Variants in PDZRN4 observed in about 807,000 individuals in gnomAD.
The protein encoded by PDZRN4 is PDZ domain-containing RING finger protein 4.
In PDZRN4, 70 loss-of-function variants were observed where a neutral mutation model predicts 99.0. The observed-to-expected ratio is 0.71, with a 90% CI of 0.58 to 0.86. The LOEUF (loss-of-function observed/expected upper bound fraction) is 0.86, where lower values mean the gene tolerates loss of function less well. PDZRN4 is among the 40% of genes least tolerant of loss of function. The pLI is 0.00. For missense variants in PDZRN4, 1,474 were observed against 1,331.2 expected, an observed-to-expected ratio of 1.11 and a Z score of -1.67; for synonymous variants, 551 against 501.6, an observed-to-expected ratio of 1.10 and a Z score of -1.32.
chr12:41,482,054 A>G (rs528460890), intron 3 of PDZRN4, among the ~76,000 whole-genome samples: 2 of 152,286 alleles, frequency 1.3e-5, no homozygotes, highest in Admixed American at 1.3e-4. Flanking sequence ...CATTTTGATC[A>G]TATCAAAACA....
At position 41,572,515 on chromosome 12, in the gene PDZRN4, G is replaced by C. The variant is rs750685350; in HGVS notation, c.1736G>C (p.Ser579Thr). ...EQENAAEDPN[S>T]TSLKSKRDLG... Reference sequence around the variant, plus strand: ...GAGAATGCAGCCGAGGACCCCAATAGCACATCTTTGAAGAGCAAGAGAGAC... The same window carrying C: ...GAGAATGCAGCCGAGGACCCCAATACCACATCTTTGAAGAGCAAGAGAGAC... The change falls in exon 10 of 10, where the codon AGC (serine) becomes ACC (threonine). Residue 579 changes from serine (S) to threonine (T), a missense_variant. Physicochemically the swap from Ser to Thr is moderately conservative, Grantham distance 58. Transcript: ENST00000402685. 6.2e-7 allele frequency: 1 copy of C among 1,614,094 alleles called. No homozygotes were observed. The highest frequency in any genetic ancestry group is 1.7e-5 in the Admixed American group (1 of 60,022).
chr12:41,573,789 T>C lies in PDZRN4; in HGVS notation c.3010T>C (p.Leu1004=), dbSNP rs767422932. The change falls in exon 10 of 10, where the codon TTG becomes CTG. Residue 1004 remains leucine (L), a synonymous_variant. Transcript: ENST00000402685. ...KMMKKRNKKI[L]DNWMTIQELM... The stretch of plus-strand genomic sequence containing the variant: ...GATGAAAAAGAGAAACAAGAAAATT[T>C]TGGACAACTGGATGACAATCCAAGA... 1.2e-6 allele frequency: 2 copies of C among 1,613,702 alleles called. No homozygotes were observed. Among genetic ancestry groups the C allele is most frequent in the East Asian group, 2.2e-5 (1 of 44,838 alleles).
At chr12:41,491,798 A>C (rs1937891714) in intron 3 of PDZRN4, among the ~76,000 whole-genome samples, 1 of 152,216 alleles carries the variant, frequency 6.6e-6, no homozygotes, top group South Asian at 2.1e-4. Context: ...GTATTAAATA[A>C]GAGCTACTTC....
chr12:41,387,601 C>G (rs560801427), intron 3 of PDZRN4, among the ~76,000 whole-genome samples: 58 of 151,904 alleles, frequency 3.8e-4, no homozygotes, highest in East Asian at 1.2e-3. Flanking sequence ...ACAACAACAA[C>G]AAAAAAATGG....
intron 5 of PDZRN4, among the ~76,000 whole-genome samples, chr12:41,549,030 G>A (rs1457815912): frequency 9.2e-5 from 14 of 152,096 alleles, no homozygotes; most frequent in African/African-American, 3.1e-4. Context: ...GTACATTTAA[G>A]TCAAAATAAA....
At chr12:41,211,839 C>A (rs1950890573) in intron 3 of PDZRN4, among the ~76,000 whole-genome samples, 1 of 151,824 alleles carries the variant, frequency 6.6e-6, no homozygotes, top group African/African-American at 2.4e-5. Flanking sequence ...ACCAGAAACC[C>A]ATCACGAGGC....
At chr12:41,194,645 T>C (rs935966569) in intron 3 of PDZRN4, among the ~76,000 whole-genome samples, 5 of 152,122 alleles carry the variant, frequency 3.3e-5, no homozygotes, top group African/African-American at 4.8e-5. Context: ...AGACGCTGCC[T>C]CCAAAAAGAA....
intron 3 of PDZRN4, among the ~76,000 whole-genome samples, chr12:41,492,289 A>G (rs999268844): frequency 5.9e-5 from 9 of 152,192 alleles, no homozygotes; most frequent in Non-Finnish European, 1.2e-4. Flanking sequence ...GCTTTCAAGA[A>G]GACAAGGAGA....
chr12:41,567,340 C>T (rs1002269136), intron 8 of PDZRN4, among the ~76,000 whole-genome samples: 8 of 151,864 alleles, frequency 5.3e-5, no homozygotes, highest in African/African-American at 9.7e-5. Context: ...GAGGATAGCA[C>T]GAGCGTATGG....
In PDZRN4 at chr12:41,329,693, G is replaced by A. The variant is rs146281054; in HGVS notation, c.843+135505G>A. On this transcript the variant is annotated intron_variant, in intron 3 of 9. Coordinates refer to ENST00000402685, the MANE Select transcript of PDZRN4 (RefSeq NM_001164595.2). ...TGACTACTAAGAACAGGCAAAATGA[G>A]ATTCTTAATTGCTGATTAAATTCCT... is the stretch of plus-strand genomic sequence containing the variant. Among the ~76,000 whole-genome samples, 16 of 152,216 alleles carry A rather than the reference G, an allele frequency of 1.1e-4. No homozygotes were observed. The East Asian group carries it at 3.1e-3, about 29-fold the overall frequency.
chr12:41,486,102 A>G (rs1937768461), intron 3 of PDZRN4, among the ~76,000 whole-genome samples: 1 of 152,152 alleles, frequency 6.6e-6, no homozygotes, highest in African/African-American at 2.4e-5. Context: ...CATATTTTTT[A>G]AAAACATTAT....
chr12:41,200,428 A>G (rs569394650), intron 3 of PDZRN4, among the ~76,000 whole-genome samples: 5 of 152,158 alleles, frequency 3.3e-5, no homozygotes, highest in Non-Finnish European at 5.9e-5. Context: ...GACTGGAAAG[A>G]TCCTTATACC....
At chr12:41,379,081 A>T (rs908448135) in intron 3 of PDZRN4, among the ~76,000 whole-genome samples, 2 of 151,834 alleles carry the variant, frequency 1.3e-5, no homozygotes, top group African/African-American at 4.8e-5. Flanking sequence ...TTTATGATTC[A>T]GTTTTCATAG....
intron 3 of PDZRN4, among the ~76,000 whole-genome samples, chr12:41,304,080 C>A (rs555347528): frequency 6.6e-6 from 1 of 152,228 alleles, no homozygotes; most frequent in East Asian, 1.9e-4. Flanking sequence ...ATGAAAAATT[C>A]TGTCTTGAGG....
intron 3 of PDZRN4, among the ~76,000 whole-genome samples, chr12:41,371,435 C>CT (rs1188141188): frequency 6.6e-6 from 1 of 151,824 alleles, no homozygotes; most frequent in African/African-American, 2.4e-5. Context: ...TTTTTCTGGT[C>CT]TTTTTTCAGA....
At chr12:41,283,070 A>G (rs376765306) in intron 3 of PDZRN4, among the ~76,000 whole-genome samples, 55 of 143,398 alleles carry the variant, frequency 3.8e-4, no homozygotes, top group African/African-American at 1.3e-3. Context: ...CTCCAAAAAA[A>G]TCAATGAATC....
intron 3 of PDZRN4, among the ~76,000 whole-genome samples, chr12:41,251,068 G>C (rs1188886440): frequency 6.6e-6 from 1 of 152,120 alleles, no homozygotes; most frequent in South Asian, 2.1e-4. Context: ...TTGAAAAACT[G>C]CTTCAAGATC....
chr12:41,204,169 T>A (rs528647849), intron 3 of PDZRN4, among the ~76,000 whole-genome samples: 1 of 152,140 alleles, frequency 6.6e-6, no homozygotes, highest in South Asian at 2.1e-4. Context: ...ACAGAGGTTA[T>A]GTATCCTTTC....
intron 3 of PDZRN4, among the ~76,000 whole-genome samples, chr12:41,300,547 T>C (rs560248784): frequency 6.6e-6 from 1 of 152,002 alleles, no homozygotes; most frequent in African/African-American, 2.4e-5. Flanking sequence ...TTTCATAATA[T>C]GTAGGTTTTA....
Sources: gnomAD v4.1 joint callset for allele counts (sites outside exome capture counted in the v4.1 genomes callset) on GRCh38, gnomAD v4.1.1 for gene constraint, MANE v1.5 for transcripts, NCBI Gene and HGNC (gene_info 2026-07-23, HGNC 2026-07-21) for gene names.